The following ZRANB3 variants were observed in gnomAD, a reference collection of about 807,000 sequenced individuals.
ZRANB3 encodes DNA annealing helicase and endonuclease ZRANB3.
ZRANB3 carries 125 observed loss-of-function variants against 133.8 expected under a neutral mutation model. The ratio of observed to expected loss-of-function variants is 0.93; its 90% CI spans 0.81 to 1.08. ZRANB3 has a LOEUF of 1.08. Ranked by LOEUF, ZRANB3 falls within the 50% of genes least tolerant of loss-of-function variation. The pLI is 0.00. For missense variants in ZRANB3, 1,229 were observed against 1,275.5 expected (o/e 0.96, Z 0.56); for synonymous variants, 387 against 432.7 (o/e 0.89, Z 1.31).
chr2:135,414,521 C>T (rs747025587), intron 2 of ZRANB3, among the ~76,000 whole-genome samples: 4 of 152,108 alleles, frequency 2.6e-5, no homozygotes, highest in African/African-American at 4.8e-5. Context: ...TTTAACACCC[C>T]ACTGTCAACA....
chr2:135,346,392 G>A (rs1242136498), intron 5 of ZRANB3, among the ~76,000 whole-genome samples: 2 of 152,026 alleles, frequency 1.3e-5, no homozygotes, highest in Admixed American at 6.6e-5. Flanking sequence ...GAGCCACCAC[G>A]CCCAGCCTAT....
chr2:135,273,185 AAAAAAAAAAAG>A (rs954223629), intron 9 of ZRANB3, among the ~76,000 whole-genome samples: 10 of 148,614 alleles, frequency 6.7e-5, no homozygotes, highest in South Asian at 4.2e-4. Context: ...GACTGTCTCA[AAAAAAAAAAAG>A]AAAAAAAAAA....
chr2:135,465,820 A>G (rs941583181), intron 2 of ZRANB3, among the ~76,000 whole-genome samples: 3 of 152,226 alleles, frequency 2.0e-5, no homozygotes, highest in African/African-American at 7.2e-5. Context: ...ACAAATTTAC[A>G]AGAAAAAAAC....
At chr2:135,353,799 G>A (rs999471028) in intron 3 of ZRANB3, among the ~76,000 whole-genome samples, 171 bp from the exon 4 acceptor site, 4 of 152,004 alleles carry the variant, frequency 2.6e-5, no homozygotes, top group African/African-American at 2.4e-5. Context: ...CCAGGAGTTC[G>A]AGACCAGCCT....
intron 3 of ZRANB3, among the ~76,000 whole-genome samples, chr2:135,360,843 T>C (rs1249887838): frequency 1.3e-5 from 2 of 152,222 alleles, no homozygotes; most frequent in African/African-American, 4.8e-5. Flanking sequence ...CACAGCTCAC[T>C]GCAACCTCAA....
chr2:135,268,563 T>C (rs1680358724), intron 11 of ZRANB3, among the ~76,000 whole-genome samples: 1 of 152,210 alleles, frequency 6.6e-6, no homozygotes, highest in Non-Finnish European at 1.5e-5. Context: ...ATGTCATTCC[T>C]ACATTTTCTA....
intron 8 of ZRANB3, among the ~76,000 whole-genome samples, chr2:135,306,082 T>G (rs972039309): frequency 6.6e-6 from 1 of 152,222 alleles, no homozygotes; most frequent in Admixed American, 6.5e-5. Flanking sequence ...ATCTATTTGA[T>G]AAGTCTTTGA....
At chr2:135,237,492 G>A (rs1573734155) in intron 12 of ZRANB3, among the ~76,000 whole-genome samples, 1 of 151,646 alleles carries the variant, frequency 6.6e-6, no homozygotes, top group Non-Finnish European at 1.5e-5. Flanking sequence ...ACATGCACAC[G>A]TATGTTTATT....
intron 8 of ZRANB3, among the ~76,000 whole-genome samples, chr2:135,285,526 T>C (rs765618010): frequency 1.6e-4 from 24 of 152,200 alleles, no homozygotes; most frequent in Non-Finnish European, 3.1e-4. Flanking sequence ...CCTCACTGAA[T>C]ATTATAAATA....
intron 2 of ZRANB3, among the ~76,000 whole-genome samples, chr2:135,494,319 A>AG (rs953277515): frequency 2.0e-5 from 3 of 150,880 alleles, no homozygotes; most frequent in African/African-American, 7.3e-5. Context: ...AAAAAAAAAA[A>AG]AAAAGAAAAG....
At chr2:135,292,254 C>G (rs1289865903) in intron 8 of ZRANB3, among the ~76,000 whole-genome samples, 1 of 152,094 alleles carries the variant, frequency 6.6e-6, no homozygotes, top group Non-Finnish European at 1.5e-5. Context: ...CTCTCCAGCA[C>G]CTGTTGTTTC....
At chr2:135,510,653 C>T in intron 1 of ZRANB3, 1 of 788,212 alleles carries the variant, frequency 1.3e-6, no homozygotes. Flanking sequence ...AGAGGGCCTC[C>T]AGGTCCCCTA....
chr2:135,204,702 A>T (rs1004345111), intron 19 of ZRANB3, among the ~76,000 whole-genome samples: 3 of 143,886 alleles, frequency 2.1e-5, no homozygotes, highest in Non-Finnish European at 3.0e-5. Context: ...ATACAATAAT[A>T]TATATTATAT....
intron 2 of ZRANB3, among the ~76,000 whole-genome samples, chr2:135,461,297 C>T (rs995081888): frequency 6.6e-6 from 1 of 152,094 alleles, no homozygotes; most frequent in African/African-American, 2.4e-5. Context: ...TGGCCAGGCA[C>T]GGTGGCTCAC....
chr2:135,312,155 T>C (rs1420239345), intron 8 of ZRANB3, among the ~76,000 whole-genome samples: 1 of 115,274 alleles, frequency 8.7e-6, no homozygotes, highest in African/African-American at 5.7e-5. Flanking sequence ...TATTTTATTT[T>C]ATTTTTATTT....
At chr2:135,508,895 T>C (rs976236776) in intron 1 of ZRANB3, among the ~76,000 whole-genome samples, 6 of 152,094 alleles carry the variant, frequency 3.9e-5, no homozygotes, top group Non-Finnish European at 7.4e-5. Flanking sequence ...AATTAACAGT[T>C]ACAATAATGT....
chr2:135,240,184 A>C (rs1362232694), intron 12 of ZRANB3, among the ~76,000 whole-genome samples: 3 of 152,050 alleles, frequency 2.0e-5, no homozygotes, highest in Non-Finnish European at 4.4e-5. Context: ...TCTACAAAAA[A>C]CAGAAAAATT....
intron 3 of ZRANB3, among the ~76,000 whole-genome samples, chr2:135,364,512 C>A (rs896795416): frequency 1.3e-4 from 20 of 152,250 alleles, no homozygotes; most frequent in African/African-American, 4.8e-4. Context: ...CTTTGGGAGG[C>A]TGAGGTGGGC....
chr2:135,459,604 T>TA (rs1237449624), intron 2 of ZRANB3, among the ~76,000 whole-genome samples: 6 of 152,192 alleles, frequency 3.9e-5, no homozygotes, highest in Admixed American at 3.3e-4. Context: ...ATCTGCTTTT[T>TA]AAAATCTGAA....
Sources: allele counts gnomAD v4.1 joint callset (sites outside exome capture counted in the v4.1 genomes callset), GRCh38; gene constraint gnomAD v4.1.1; transcripts MANE v1.5; gene names NCBI Gene and HGNC (gene_info 2026-07-23, HGNC 2026-07-21).